ABTB3: variants seen among roughly 807,000 people sequenced by gnomAD.
ABTB3 encodes ankyrin repeat- and BTB/POZ domain-containing protein 3.
chr12:107,356,382 A>C, the ABTB3 span, among the ~76,000 whole-genome samples: 1 of 152,220 alleles, frequency 6.6e-6, no homozygotes, highest in Non-Finnish European at 1.5e-5. Context: ...GAAGATCGGA[A>C]GGAATCCTCT....
At chr12:107,484,179 T>C in the ABTB3 span, among the ~76,000 whole-genome samples, 13 of 152,194 alleles carry the variant, frequency 8.5e-5, no homozygotes, top group African/African-American at 3.1e-4. Context: ...TTAAGTGAAA[T>C]AGATAGTCTA....
At chr12:107,542,311 CAAA>C in the ABTB3 span, among the ~76,000 whole-genome samples, 1 of 119,204 alleles carries the variant, frequency 8.4e-6, no homozygotes. Context: ...AACTCTGTCT[CAAA>C]AAAAAAAAAA....
the ABTB3 span, chr12:107,615,109 C>G: frequency 2.5e-6 from 4 of 1,614,090 alleles, no homozygotes; most frequent in East Asian, 8.9e-5. Context: ...CGAGACCCGC[C>G]ATTGGACGGC....
the ABTB3 span, among the ~76,000 whole-genome samples, chr12:107,453,872 TA>T: frequency 1.3e-5 from 2 of 152,142 alleles, no homozygotes; most frequent in Admixed American, 6.5e-5. Context: ...GGGAATTTGG[TA>T]CTATTCTGCA....
the ABTB3 span, among the ~76,000 whole-genome samples, chr12:107,524,233 A>G: frequency 6.6e-5 from 10 of 152,216 alleles, no homozygotes; most frequent in Admixed American, 6.5e-4. Context: ...GCCCCATAGA[A>G]TGTGTGCACA....
the ABTB3 span, among the ~76,000 whole-genome samples, chr12:107,588,513 G>A: frequency 9.2e-5 from 14 of 152,242 alleles, 1 homozygote; most frequent in East Asian, 2.5e-3. Context: ...TTTTTTGTGT[G>A]TGTGGTGTTT....
chr12:107,564,964 G>A, the ABTB3 span, among the ~76,000 whole-genome samples: 3 of 152,236 alleles, frequency 2.0e-5, no homozygotes, highest in Non-Finnish European at 4.4e-5. Flanking sequence ...CTGTATGCTG[G>A]AAGGATACAG....
At chr12:107,507,508 C>A in the ABTB3 span, among the ~76,000 whole-genome samples, 1 of 152,220 alleles carries the variant, frequency 6.6e-6, no homozygotes, top group South Asian at 2.1e-4. Context: ...AGCAATGAAT[C>A]CTGACTTCAC....
chr12:107,416,410 C>T, the ABTB3 span, among the ~76,000 whole-genome samples: 19 of 152,088 alleles, frequency 1.2e-4, 1 homozygote, highest in East Asian at 1.9e-4. Flanking sequence ...TGTACCCACT[C>T]GTTTATGCTG....
At chr12:107,477,946 A>G in the ABTB3 span, among the ~76,000 whole-genome samples, 4 of 152,168 alleles carry the variant, frequency 2.6e-5, no homozygotes, top group Non-Finnish European at 5.9e-5. Flanking sequence ...TGATCAGGAC[A>G]AGCAAACTAT....
the ABTB3 span, among the ~76,000 whole-genome samples, chr12:107,592,482 A>T: frequency 6.6e-6 from 1 of 152,218 alleles, no homozygotes; most frequent in South Asian, 2.1e-4. Flanking sequence ...AGGAAAAAAC[A>T]ATCTGCCTAG....
At chr12:107,378,915 C>T in the ABTB3 span, among the ~76,000 whole-genome samples, 4 of 152,100 alleles carry the variant, frequency 2.6e-5, no homozygotes, top group African/African-American at 9.7e-5. Context: ...TGAGAGCCAC[C>T]CCTGCTTTTG....
chr12:107,520,698 T>C, the ABTB3 span: 1 of 1,591,312 alleles, frequency 6.3e-7, no homozygotes, highest in Middle Eastern at 1.7e-4. Flanking sequence ...GTGCCCGAAG[T>C]GACACAATGT....
the ABTB3 span, among the ~76,000 whole-genome samples, chr12:107,574,138 A>C: frequency 6.6e-6 from 1 of 152,166 alleles, no homozygotes; most frequent in Non-Finnish European, 1.5e-5. Flanking sequence ...TGGAGACAGA[A>C]CCCACCTTTA....
chr12:107,352,156 G>A, the ABTB3 span, among the ~76,000 whole-genome samples: 1 of 152,180 alleles, frequency 6.6e-6, no homozygotes, highest in African/African-American at 2.4e-5. Flanking sequence ...TGGGTGAAGA[G>A]GGCTGTTAGG....
At chr12:107,382,096 G>C in the ABTB3 span, among the ~76,000 whole-genome samples, 5 of 152,134 alleles carry the variant, frequency 3.3e-5, no homozygotes, top group Admixed American at 6.5e-5. Flanking sequence ...AAATTAACAA[G>C]AACAAATTGG....
At chr12:107,487,654 C>T in the ABTB3 span, among the ~76,000 whole-genome samples, 8 of 152,244 alleles carry the variant, frequency 5.3e-5, no homozygotes, top group African/African-American at 1.7e-4. Context: ...GGAATTTTAC[C>T]TCCTTCTACT....
chr12:107,445,564 A>G, the ABTB3 span, among the ~76,000 whole-genome samples: 15 of 152,214 alleles, frequency 9.9e-5, no homozygotes, highest in Admixed American at 2.0e-4. Flanking sequence ...CACTGACAGA[A>G]GAAGGAGAGC....
At chr12:107,573,527 T>C in the ABTB3 span, among the ~76,000 whole-genome samples, 145 of 150,958 alleles carry the variant, frequency 9.6e-4, 1 homozygote, top group African/African-American at 3.5e-3. Context: ...GAACAGATGG[T>C]GAGTGGACAG....
Sources: gnomAD v4.1 joint callset for allele counts (sites outside exome capture counted in the v4.1 genomes callset) on GRCh38, gnomAD v4.1.1 for gene constraint, MANE v1.5 for transcripts, NCBI Gene and HGNC (gene_info 2026-07-23, HGNC 2026-07-21) for gene names.